The following RBFOX1 variants were observed in gnomAD, a reference collection of about 807,000 sequenced individuals.
RBFOX1 encodes RNA binding protein fox-1 homolog 1.
Under a neutral mutation model 57.7 loss-of-function variants are expected in RBFOX1, and 8 were observed. The ratio of observed to expected loss-of-function variants is 0.14; its 90% CI spans 0.08 to 0.25. The LOEUF is 0.25. Among genes scored for constraint, RBFOX1 ranks in the 10% least tolerant of loss-of-function variants. The pLI is 1.00. For missense variants in RBFOX1, 611 were observed against 548.5 expected (o/e 1.11, Z -1.14); for synonymous variants, 326 against 222.4 (o/e 1.47, Z -4.15).
Position 6,141,331 on chromosome 16 carries a change from G to T in RBFOX1, c.-127+121339G>T, listed in dbSNP as rs184148857. On this transcript the variant is annotated intron_variant, in intron 1 of 15. Coordinates refer to ENST00000550418, the MANE Select transcript of RBFOX1 (RefSeq NM_018723.4). Reference sequence around the variant, plus strand: ...TACAAGGGCGATACGGAAGAGCTGAGAGGCTATTCCTTTCTTTCAGATCTC... The same window carrying T: ...TACAAGGGCGATACGGAAGAGCTGATAGGCTATTCCTTTCTTTCAGATCTC... Among the ~76,000 whole-genome samples, 369 of 152,302 alleles carry T rather than the reference G, an allele frequency of 2.4e-3. 3 individuals carry two copies. The highest frequency in any genetic ancestry group is 8.4e-3 in the African/African-American group (351 of 41,568).
chr16:5,279,721 C>G (rs1190655605), intron 1 of RBFOX1, among the ~76,000 whole-genome samples: 1 of 152,096 alleles, frequency 6.6e-6, no homozygotes, highest in Non-Finnish European at 1.5e-5. Context: ...AGGCTGGTCT[C>G]AAACTCCCAA....
chr16:7,131,998 CTTTTTTTTTTT>C (rs34879688), intron 4 of RBFOX1, among the ~76,000 whole-genome samples: 2 of 123,844 alleles, frequency 1.6e-5, no homozygotes, highest in Non-Finnish European at 1.7e-5. Context: ...TTTTTTCTTT[CTTTTTTTTTTT>C]TTTTTTGAGT....
chr16:5,876,756 A>C (rs2057622447), intron 4 of RBFOX1, among the ~76,000 whole-genome samples: 1 of 152,204 alleles, frequency 6.6e-6, no homozygotes, highest in Non-Finnish European at 1.5e-5. Context: ...TCCCGGGCTC[A>C]TACTTCACTC....
intron 3 of RBFOX1, among the ~76,000 whole-genome samples, chr16:6,797,092 C>G (rs920750246): frequency 2.0e-5 from 3 of 152,102 alleles, no homozygotes; most frequent in Admixed American, 6.5e-5. Flanking sequence ...AGTAACACAT[C>G]GATCCTCCCA....
At chr16:5,422,230 G>A (rs1414812127) in intron 1 of RBFOX1, among the ~76,000 whole-genome samples, 1 of 147,968 alleles carries the variant, frequency 6.8e-6, no homozygotes, top group Admixed American at 6.7e-5. Context: ...GGAGGGAGAG[G>A]GAGAGGGAGG....
intron 4 of RBFOX1, among the ~76,000 whole-genome samples, chr16:7,431,833 G>T (rs2098683216): frequency 6.6e-6 from 1 of 152,184 alleles, no homozygotes; most frequent in Non-Finnish European, 1.5e-5. Flanking sequence ...CTACCCTAGT[G>T]CAGAACACTT....
chr16:7,692,363 C>G (rs758656766), intron 14 of RBFOX1, among the ~76,000 whole-genome samples: 1 of 152,108 alleles, frequency 6.6e-6, no homozygotes, highest in African/African-American at 2.4e-5. Flanking sequence ...AACAGTAAAA[C>G]TTTCTTAAGA....
In RBFOX1 at chr16:7,710,792, TCCGAGGC is replaced by T. The variant is rs1568623738; in HGVS notation, c.*49_*55del. The T allele has an allele frequency of 4.1e-6, 6 of 1,466,258 alleles. No individual in the cohort carries two copies. In the South Asian group the frequency reaches 7.0e-5, roughly 17 times the overall value. 90.8% of individuals were successfully genotyped at this position (1,466,258 alleles called of 1,614,324 possible). A position where few individuals can be genotyped will look rare whatever the true frequency, so the allele number is the denominator to read the frequency against. On this transcript the variant is annotated 3_prime_UTR_variant, in exon 16 of 16. Coordinates refer to ENST00000550418, the MANE Select transcript of RBFOX1 (RefSeq NM_018723.4). ...TCCAATGTGGGGAGAAAGGAAGCTT[TCCGAGGC>T]CTGAGTATTGCAATACATGCAGTAG...
At chr16:7,699,056 C>T (rs775368503) in intron 14 of RBFOX1, among the ~76,000 whole-genome samples, 32 of 152,116 alleles carry the variant, frequency 2.1e-4, no homozygotes, top group Non-Finnish European at 3.4e-4. Context: ...CCTGTTTTGT[C>T]GCCTTCCCCT....
intron 1 of RBFOX1, among the ~76,000 whole-genome samples, chr16:6,102,599 C>G (rs2096326949): frequency 6.6e-6 from 1 of 152,266 alleles, no homozygotes; most frequent in African/African-American, 2.4e-5. Flanking sequence ...CACGCCACGT[C>G]TTCCCTCTCC....
At chr16:6,964,426 G>A (rs771970907) in intron 3 of RBFOX1, among the ~76,000 whole-genome samples, 8 of 152,232 alleles carry the variant, frequency 5.3e-5, no homozygotes, top group African/African-American at 1.9e-4. Context: ...CATCAACTGT[G>A]AACTTTAATG....
intron 4 of RBFOX1, among the ~76,000 whole-genome samples, chr16:5,962,484 C>T (rs539580215): frequency 1.3e-5 from 2 of 152,258 alleles, no homozygotes; most frequent in East Asian, 1.9e-4. Context: ...TGCCTTTCTC[C>T]ACCTTTTTTC....
chr16:5,425,105 C>CTATCTATCTATCTATTTATT (rs1401710896), intron 1 of RBFOX1, among the ~76,000 whole-genome samples: 1 of 131,462 alleles, frequency 7.6e-6, no homozygotes. Context: ...ATCTATCTAT[C>CTATCTATCTATCTATTTATT]TATCTATCTA....
At chr16:5,572,044 C>A (rs372866270) in intron 2 of RBFOX1, among the ~76,000 whole-genome samples, 11 of 152,084 alleles carry the variant, frequency 7.2e-5, no homozygotes, top group Non-Finnish European at 1.3e-4. Flanking sequence ...ACACAAGAAG[C>A]CCTCCTGACA....
intron 4 of RBFOX1, among the ~76,000 whole-genome samples, chr16:7,365,922 A>G (rs1035880558): frequency 1.3e-5 from 2 of 152,156 alleles, no homozygotes; most frequent in South Asian, 2.1e-4. Flanking sequence ...TTTCACTTCC[A>G]CAAACTAGCT....
At chr16:6,381,367 T>G (rs1364837052) in intron 2 of RBFOX1, among the ~76,000 whole-genome samples, 1 of 152,150 alleles carries the variant, frequency 6.6e-6, no homozygotes, top group Non-Finnish European at 1.5e-5. Context: ...TGTCTATTAT[T>G]CCACCCTGTA....
intron 2 of RBFOX1, among the ~76,000 whole-genome samples, chr16:5,486,607 A>C (rs116740132): frequency 1.3e-5 from 2 of 152,150 alleles, no homozygotes; most frequent in East Asian, 3.9e-4. Context: ...GCACAGGGAC[A>C]TGCCAGAACA....
At chr16:6,535,565 T>C (rs1049959528) in intron 2 of RBFOX1, among the ~76,000 whole-genome samples, 1 of 152,222 alleles carries the variant, frequency 6.6e-6, no homozygotes, top group East Asian at 1.9e-4. Flanking sequence ...CTTTAGCACA[T>C]GTAAATGGCT....
chr16:6,920,325 C>T lies in RBFOX1; in HGVS notation c.-15-131732C>T, dbSNP rs76222418. Among the ~76,000 whole-genome samples the T allele has an allele frequency of 3.4e-3, 517 of 152,258 alleles. 4 individuals carry two copies. The highest frequency in any genetic ancestry group is 0.012 in the African/African-American group (494 of 41,554). On this transcript the variant is annotated intron_variant, in intron 3 of 15. Transcript: ENST00000550418. ...ATTGCTGGATCAAACGGTAGTTCTG[C>T]TCTTAATGAAGTTCACTCCTGATAT...
Sources: gnomAD v4.1 joint callset for allele counts (sites outside exome capture counted in the v4.1 genomes callset) on GRCh38, gnomAD v4.1.1 for gene constraint, MANE v1.5 for transcripts, NCBI Gene and HGNC (gene_info 2026-07-23, HGNC 2026-07-21) for gene names.